TMEM177: variants seen among roughly 807,000 people sequenced by gnomAD.
The protein encoded by TMEM177 is transmembrane protein 177.
In TMEM177, 4 loss-of-function variants were observed where a neutral mutation model predicts 14.2. The ratio of observed to expected loss-of-function variants is 0.28; its 90% confidence interval spans 0.14 to 0.64. The LOEUF (loss-of-function observed/expected upper bound fraction) is 0.64, where lower values mean the gene tolerates loss of function less well. Ranked by LOEUF, TMEM177 falls within the 30% of genes least tolerant of loss-of-function variation. TMEM177 has a pLI of 0.82. For missense variants in TMEM177, 344 were observed against 405.2 expected (o/e 0.85, Z 1.30); for synonymous variants, 179 against 174.5 (o/e 1.03, Z -0.20).
At chr2:119,682,384 C>G (rs979495284), downstream of TMEM177, among the ~76,000 whole-genome samples, 7 of 152,132 alleles carry the variant, frequency 4.6e-5, no homozygotes, top group African/African-American at 1.7e-4. Context: ...CAGTGAAGAA[C>G]CACCCCTCAA....
chr2:119,693,945 A>ACACACACACACGACACACAAACACAC, the TMEM177 span, among the ~76,000 whole-genome samples: 3 of 92,378 alleles, frequency 3.2e-5, 1 homozygote, highest in Admixed American at 1.1e-4. Flanking sequence ...CACACAAGCC[A>ACACACACACACGACACACAAACACAC]CACACACATG....
At chr2:119,689,542 CAT>C (rs1170720396), downstream of TMEM177, among the ~76,000 whole-genome samples, 2 of 152,202 alleles carry the variant, frequency 1.3e-5, no homozygotes, top group Admixed American at 6.5e-5. Context: ...TATAAGAACT[CAT>C]AAAATTTCCA....
chr2:119,717,063 A>T, the TMEM177 span, among the ~76,000 whole-genome samples: 4 of 152,208 alleles, frequency 2.6e-5, no homozygotes, highest in Non-Finnish European at 4.4e-5. Flanking sequence ...TACAAAAGGG[A>T]CAGGCTTTTG....
At chr2:119,717,718 C>T in the TMEM177 span, among the ~76,000 whole-genome samples, 2 of 149,432 alleles carry the variant, frequency 1.3e-5, no homozygotes, top group African/African-American at 4.9e-5. Context: ...AAGCAATTCT[C>T]CTGCCTCAGC....
downstream of TMEM177, chr2:119,686,099 A>C (rs1233779960): frequency 1.3e-4 from 22 of 173,736 alleles, no homozygotes; most frequent in Non-Finnish European, 4.8e-5. Flanking sequence ...TGTGGGTTCA[A>C]ATCCTGGCCT....
the TMEM177 span, among the ~76,000 whole-genome samples, chr2:119,722,712 C>T: frequency 1.3e-5 from 2 of 152,330 alleles, no homozygotes; most frequent in Admixed American, 6.5e-5. Flanking sequence ...ATCATAGGCA[C>T]ACAAATATAG....
At chr2:119,705,980 C>A in the TMEM177 span, among the ~76,000 whole-genome samples, 3 of 43,044 alleles carry the variant, frequency 7.0e-5, no homozygotes, top group Non-Finnish European at 1.7e-4. Flanking sequence ...CTGGCTCTCT[C>A]TCTCTATATA....
the TMEM177 span, among the ~76,000 whole-genome samples, chr2:119,710,380 C>T: frequency 6.6e-6 from 1 of 152,190 alleles, no homozygotes; most frequent in Non-Finnish European, 1.5e-5. Flanking sequence ...CCGTAAGAAG[C>T]ACATTTGAGC....
downstream of TMEM177, among the ~76,000 whole-genome samples, chr2:119,691,248 G>A (rs148541894): frequency 3.9e-4 from 60 of 152,192 alleles, no homozygotes; most frequent in East Asian, 1.9e-3. Flanking sequence ...GAGCTTCTCC[G>A]TGCCTCAGCT....
chr2:119,706,573 C>T, the TMEM177 span, among the ~76,000 whole-genome samples: 1 of 152,118 alleles, frequency 6.6e-6, no homozygotes, highest in Non-Finnish European at 1.5e-5. Flanking sequence ...GAAAAGCTAG[C>T]TTCCTTTTTT....
chr2:119,708,712 A>C, the TMEM177 span, among the ~76,000 whole-genome samples: 3 of 151,530 alleles, frequency 2.0e-5, no homozygotes, highest in African/African-American at 7.3e-5. Context: ...CACCCTGCTC[A>C]TGCCCACTTC....
downstream of TMEM177, among the ~76,000 whole-genome samples, chr2:119,683,758 G>A (rs569834862): frequency 4.6e-5 from 7 of 152,262 alleles, no homozygotes; most frequent in Admixed American, 6.5e-5. Flanking sequence ...CCAGCCGTGT[G>A]TATGTGTGTG....
the TMEM177 span, among the ~76,000 whole-genome samples, chr2:119,705,489 A>C: frequency 2.0e-5 from 3 of 152,302 alleles, no homozygotes; most frequent in Admixed American, 6.5e-5. Context: ...GCTGGCTGTC[A>C]GCAGGAACCC....
chr2:119,697,135 A>G, the TMEM177 span, among the ~76,000 whole-genome samples: 1 of 152,246 alleles, frequency 6.6e-6, no homozygotes, highest in African/African-American at 2.4e-5. Flanking sequence ...GGTGCTGGTC[A>G]CACTCAACTT....
chr2:119,685,909 T>C (rs2104854444), downstream of TMEM177: 1 of 573,088 alleles, frequency 1.7e-6, no homozygotes, highest in South Asian at 2.3e-5. Context: ...AAATAGTCAC[T>C]GAGCAGAACT....
At chr2:119,717,737 T>C in the TMEM177 span, among the ~76,000 whole-genome samples, 1 of 150,362 alleles carries the variant, frequency 6.7e-6, no homozygotes, top group Non-Finnish European at 1.5e-5. Context: ...GCCTCCCGAG[T>C]AGCTGAGATT....
chr2:119,706,035 A>ATT, the TMEM177 span, among the ~76,000 whole-genome samples: 3 of 91,878 alleles, frequency 3.3e-5, no homozygotes, highest in South Asian at 3.2e-4. Flanking sequence ...ATATATATAT[A>ATT]TTTTTTTGAG....
the TMEM177 span, among the ~76,000 whole-genome samples, chr2:119,713,458 GTTGTTCA>G: frequency 3.3e-5 from 5 of 152,196 alleles, no homozygotes; most frequent in African/African-American, 9.6e-5. Flanking sequence ...AGGCCATTGT[GTTGTTCA>G]TTGTATGCAT....
rs772925980 is a variant in TMEM177, at chr2:119,681,652, GA to G, written c.800del (p.Asp267AlafsTer87). On this transcript the variant is annotated frameshift_variant, in exon 2 of 2. Transcript: ENST00000272521. LOFTEE classifies it high-confidence loss of function. Reference protein sequence around the residue: ...NLALRSLLGKDGEKLYTPSGN... With the variant: ...NLALRSLLGKXGEKLYTPSGN... Reference sequence around the variant, plus strand: ...GGCCCTGCGCAGTCTCTTGGGCAAAGACGGGGAGAAGCTGTATACACCCAGC... The same window carrying G: ...GGCCCTGCGCAGTCTCTTGGGCAAAGCGGGGAGAAGCTGTATACACCCAGC... The G allele has an allele frequency of 8.1e-6, 13 of 1,614,138 alleles. No homozygotes were observed. The highest frequency in any genetic ancestry group is 1.1e-5 in the Non-Finnish European group (13 of 1,180,060).
Sources: gnomAD v4.1 joint callset for allele counts (sites outside exome capture counted in the v4.1 genomes callset) on GRCh38, gnomAD v4.1.1 for gene constraint, MANE v1.5 for transcripts, NCBI Gene and HGNC (gene_info 2026-07-23, HGNC 2026-07-21) for gene names.